Variants in KCNS3 observed in about 807,000 individuals in gnomAD.
KCNS3 encodes potassium voltage-gated channel modifier subfamily S member 3.
KCNS3 carries 13 observed loss-of-function variants against 31.0 expected under a neutral mutation model. The ratio of observed to expected loss-of-function variants is 0.42; its 90% CI spans 0.27 to 0.67. The LOEUF (loss-of-function observed/expected upper bound fraction) is 0.67, where lower values mean the gene tolerates loss of function less well. KCNS3 is among the 30% of genes least tolerant of loss of function. The pLI, the probability that KCNS3 is intolerant of heterozygous loss-of-function variation, is 0.25. For synonymous variants in KCNS3, 238 were observed against 241.5 expected, an observed-to-expected ratio of 0.99 and a Z score of 0.13; for missense variants, 545 against 622.4, an observed-to-expected ratio of 0.88 and a Z score of 1.32.
chr2:17,932,584 G>T lies in KCNS3; in HGVS notation c.*100G>T. On this transcript the variant is annotated 3_prime_UTR_variant, in exon 3 of 3. Transcript: ENST00000304101. ...TTCGTTAAAATCATTTAATTCTCAG[G>T]GTGTACCTTTCAGCCATAGTTGGAC... The T allele has an allele frequency of 1.6e-6, 2 of 1,265,966 alleles. No homozygotes were observed. The highest frequency in any genetic ancestry group is 1.5e-5 in the African/African-American group (1 of 66,912). The allele number at this position is 1,265,966 out of a possible 1,614,324, so 78.4% of individuals were successfully genotyped here.
Position 17,931,150 on chromosome 2 carries a change from C to T in KCNS3, c.142C>T (p.His48Tyr). Residue 48 changes from histidine to tyrosine, a missense_variant, in exon 3 of 3, where the codon CAT becomes TAT. His to Tyr is a moderately conservative substitution (Grantham distance 83). Transcript: ENST00000304101. This position sits in a 1 kb window ranked among gnomAD's most constrained non-coding sequence, Gnocchi z 5.4. Reference protein sequence around the residue: ...HTRLGKLLTCHSEEAILELCD... With the variant: ...HTRLGKLLTCYSEEAILELCD... ...CAGACTGGGGAAGCTGCTTACTTGC[C>T]ATTCTGAAGAGGCCATTCTGGAGCT... 6.2e-7 allele frequency: 1 copy of T among 1,614,148 alleles called. No individual in the cohort carries two copies. Among genetic ancestry groups the T allele is most frequent in the Non-Finnish European group, 8.5e-7 (1 of 1,180,010 alleles).
chr2:17,931,439 C>A lies in KCNS3; in HGVS notation c.431C>A (p.Ser144Tyr), dbSNP rs201851493. 1.2e-6 allele frequency: 2 copies of A among 1,614,050 alleles called. No homozygotes were observed. The highest frequency in any genetic ancestry group is 1.7e-6 in the Non-Finnish European group (2 of 1,180,042). ...AAAAGCCATGATGTGAGTACCGACT[C>A]CTCGTTTGAAGAGTCGTCTCTGTTT... ...DQKSHDVSTD[S>Y]SFEESSLFEK... Residue 144 changes from serine (S) to tyrosine (Y), a missense_variant, in exon 3 of 3, where the codon TCC (serine) becomes TAC (tyrosine). Transcript: ENST00000304101. This position sits in a 1 kb window ranked among gnomAD's most constrained non-coding sequence, Gnocchi z 5.4.
At chr2:17,907,405 CTT>C (rs1662351535) in intron 1 of KCNS3, among the ~76,000 whole-genome samples, 2 of 152,148 alleles carry the variant, frequency 1.3e-5, no homozygotes, top group African/African-American at 2.4e-5. Context: ...GGTCTTGACT[CTT>C]TGTCCAATTT....
At chr2:17,901,600 A>G (rs576017671) in intron 1 of KCNS3, among the ~76,000 whole-genome samples, 1 of 152,266 alleles carries the variant, frequency 6.6e-6, no homozygotes, top group East Asian at 1.9e-4. Flanking sequence ...TGGGCTGGAG[A>G]TGCACATCTG....
chr2:17,923,719 A>G (rs147551127), intron 2 of KCNS3, among the ~76,000 whole-genome samples: 3 of 152,032 alleles, frequency 2.0e-5, no homozygotes, highest in African/African-American at 4.8e-5. Context: ...AATACTATTT[A>G]TCGAAAAGAC....
intron 1 of KCNS3, among the ~76,000 whole-genome samples, chr2:17,896,460 G>T (rs1160919739): frequency 6.6e-6 from 1 of 152,100 alleles, no homozygotes; most frequent in African/African-American, 2.4e-5. Context: ...TGTGACTTTG[G>T]GGGCATTGGA....
intron 2 of KCNS3, among the ~76,000 whole-genome samples, chr2:17,918,268 T>C (rs73918988): frequency 0.024 from 3,623 of 152,280 alleles, 122 homozygotes; most frequent in African/African-American, 0.075. Context: ...ACAGACTGGG[T>C]AGCTCATCAG....
At chr2:17,900,782 G>A (rs10184119) in intron 1 of KCNS3, among the ~76,000 whole-genome samples, 65,374 of 151,900 alleles carry the variant, frequency 0.43, 15,169 homozygotes, top group Non-Finnish European at 0.52. Context: ...GAACCACCGC[G>A]TCTGGCTGTT....
At chr2:17,908,072 T>C (rs1662379371) in intron 1 of KCNS3, among the ~76,000 whole-genome samples, 1 of 152,250 alleles carries the variant, frequency 6.6e-6, no homozygotes, top group Non-Finnish European at 1.5e-5. Context: ...CTTGGTTCCA[T>C]TCTCCCCGTC....
intron 1 of KCNS3, among the ~76,000 whole-genome samples, chr2:17,903,621 C>A (rs1055557599): frequency 6.6e-6 from 1 of 151,220 alleles, no homozygotes; most frequent in African/African-American, 2.4e-5. Flanking sequence ...CCCCACCCCA[C>A]AACAGGCCCC....
intron 1 of KCNS3, among the ~76,000 whole-genome samples, chr2:17,901,509 C>T (rs1572487253): frequency 6.6e-6 from 1 of 152,210 alleles, no homozygotes; most frequent in East Asian, 1.9e-4. Flanking sequence ...TGTGGATGTG[C>T]TTATTGTAAG....
At position 17,931,978 on chromosome 2, in the gene KCNS3, G is replaced by C. The variant is rs778517087; in HGVS notation, c.970G>C (p.Val324Leu). 7 of 1,614,000 alleles carry C rather than the reference G, an allele frequency of 4.3e-6. No homozygotes were observed. The African/African-American group carries it at 9.3e-5, about 22-fold the overall frequency. Reference protein sequence around the residue: ...GATLRHSYHEVGLLLLFLSVG... With the variant: ...GATLRHSYHELGLLLLFLSVG... ...CACACTGAGACACAGCTACCATGAA[G>C]TTGGGCTTCTGCTTCTCTTCCTCTC... is the stretch of plus-strand genomic sequence containing the variant. The change falls in exon 3 of 3, where the codon GTT becomes CTT. Residue 324 changes from valine (V) to leucine (L), a missense_variant. By Grantham distance (32) the Val-to-Leu change is conservative. Transcript: ENST00000304101. The surrounding 1 kb of genome is among the most constrained non-coding windows in gnomAD (Gnocchi z 5.4).
intron 1 of KCNS3, among the ~76,000 whole-genome samples, chr2:17,887,485 A>T (rs1172067154): frequency 1.7e-4 from 1 of 5,742 alleles, no homozygotes; most frequent in Non-Finnish European, 3.7e-4. Context: ...CTATCATATG[A>T]TCTATCTATC....
At chr2:17,884,268 A>ATAT (rs1553340999) in intron 1 of KCNS3, among the ~76,000 whole-genome samples, 144 of 46,624 alleles carry the variant, frequency 3.1e-3, no homozygotes, top group African/African-American at 6.2e-3. Context: ...AAAAAAAAAA[A>ATAT]ATATATATAT....
At chr2:17,921,915 GTATATATATATA>G (rs56064218) in intron 2 of KCNS3, among the ~76,000 whole-genome samples, 30 of 32,808 alleles carry the variant, frequency 9.1e-4, no homozygotes, top group Non-Finnish European at 1.1e-3. Flanking sequence ...GTGTGTGTGT[GTATATATATATA>G]TATATATATA....
intron 1 of KCNS3, among the ~76,000 whole-genome samples, chr2:17,915,485 AACT>A (rs1194468046): frequency 1.3e-5 from 2 of 152,098 alleles, no homozygotes; most frequent in Admixed American, 6.5e-5. Context: ...CTTCCCCAAC[AACT>A]AAGAGGGATC....
intron 1 of KCNS3, among the ~76,000 whole-genome samples, chr2:17,909,032 T>G (rs911537996): frequency 2.6e-5 from 4 of 152,332 alleles, no homozygotes; most frequent in Non-Finnish European, 5.9e-5. Context: ...TGCTGCCTTT[T>G]GTTTGGCTAT....
intron 2 of KCNS3, among the ~76,000 whole-genome samples, chr2:17,923,375 A>G (rs1405104806): frequency 6.6e-6 from 1 of 152,124 alleles, no homozygotes; most frequent in Non-Finnish European, 1.5e-5. Context: ...CTTATCAGAT[A>G]TATGATTTGC....
At chr2:17,924,826 T>C (rs1662798775) in intron 2 of KCNS3, among the ~76,000 whole-genome samples, 2 of 152,168 alleles carry the variant, frequency 1.3e-5, no homozygotes, top group African/African-American at 4.8e-5. Flanking sequence ...GATGTCTTTT[T>C]CTAGTTTTGG....
Sources: allele counts gnomAD v4.1 joint callset (sites outside exome capture counted in the v4.1 genomes callset), GRCh38; gene constraint gnomAD v4.1.1; non-coding constraint Gnocchi (gnomAD v3.1); transcripts MANE v1.5; gene names NCBI Gene and HGNC (gene_info 2026-07-23, HGNC 2026-07-21).